LRRC4C: variants seen among roughly 807,000 people sequenced by gnomAD.
The protein encoded by LRRC4C is leucine rich repeat containing 4C, also known as leucine-rich repeat-containing protein 4C.
A neutral mutation model predicts 33.6 loss-of-function variants in LRRC4C; 5 were observed. That is an observed-to-expected ratio of 0.15 (90% CI 0.08 to 0.31). The LOEUF (loss-of-function observed/expected upper bound fraction) is 0.31. LRRC4C is among the 10% of genes least tolerant of loss of function. The pLI, the probability that LRRC4C is intolerant of heterozygous loss-of-function variation, is 1.00. For synonymous variants in LRRC4C, 329 were observed against 302.0 expected, an observed-to-expected ratio of 1.09 and a Z score of -0.93; for missense variants, 560 against 796.7, an observed-to-expected ratio of 0.70 and a Z score of 3.58.
chr11:41,286,455 G>A (rs1949831399), intron 1 of LRRC4C, among the ~76,000 whole-genome samples: 1 of 152,120 alleles, frequency 6.6e-6, no homozygotes, highest in Non-Finnish European at 1.5e-5. Flanking sequence ...CCAGCACAGA[G>A]AACCAAGGAG....
chr11:40,626,100 C>T (rs1591309096), intron 3 of LRRC4C, among the ~76,000 whole-genome samples: 1 of 152,130 alleles, frequency 6.6e-6, no homozygotes, highest in East Asian at 1.9e-4. Context: ...TTGTTACCCC[C>T]ATATTTTCTC....
At chr11:40,514,182 C>T (rs1955461124) in intron 3 of LRRC4C, among the ~76,000 whole-genome samples, 1 of 152,162 alleles carries the variant, frequency 6.6e-6, no homozygotes, top group Non-Finnish European at 1.5e-5. Flanking sequence ...GGTAAAATTG[C>T]ATACGTTCAT....
intron 2 of LRRC4C, among the ~76,000 whole-genome samples, chr11:40,746,677 T>G (rs1315021468): frequency 6.6e-6 from 1 of 152,048 alleles, no homozygotes; most frequent in Non-Finnish European, 1.5e-5. Flanking sequence ...CTATGTATGC[T>G]CCATCCCAGG....
chr11:41,111,759 T>C (rs191030404), intron 1 of LRRC4C, among the ~76,000 whole-genome samples: 8 of 152,100 alleles, frequency 5.3e-5, no homozygotes. Flanking sequence ...CAAGTAAAAG[T>C]AACCTTTCCC....
chr11:40,473,473 T>G (rs1217402284), intron 3 of LRRC4C, among the ~76,000 whole-genome samples: 1 of 152,142 alleles, frequency 6.6e-6, no homozygotes, highest in Admixed American at 6.6e-5. Flanking sequence ...GAGCTATTTA[T>G]GACAAACCCA....
intron 3 of LRRC4C, among the ~76,000 whole-genome samples, chr11:40,609,957 A>C (rs1961035202): frequency 6.6e-6 from 1 of 152,046 alleles, no homozygotes; most frequent in East Asian, 1.9e-4. Flanking sequence ...GAATTCTACC[A>C]AACATTTAAA....
At chr11:40,543,921 C>A (rs548504856) in intron 3 of LRRC4C, among the ~76,000 whole-genome samples, 8 of 151,942 alleles carry the variant, frequency 5.3e-5, no homozygotes, top group Non-Finnish European at 1.2e-4. Context: ...ATTTGAGAGT[C>A]CTGTCTTCCA....
chr11:40,505,423 T>C lies in LRRC4C; in HGVS notation c.-270+142719A>G, dbSNP rs72899045. On this transcript the variant is annotated intron_variant, in intron 3 of 6. Coordinates refer to ENST00000528697, the MANE Select transcript of LRRC4C (RefSeq NM_001258419.2). ...CTGCCCTTTTCTGCTCAGGTCTTAC[T>C]TTTCCAGACAATGTCATCAGACAGG... 3.6e-3 allele frequency among the ~76,000 whole-genome samples: 544 copies of C among 152,308 alleles called. 2 individuals are homozygous for C. The highest frequency in any genetic ancestry group is 6.0e-3 in the Non-Finnish European group (406 of 68,012).
intron 4 of LRRC4C, among the ~76,000 whole-genome samples, chr11:40,297,958 G>A (rs1337200569): frequency 6.6e-6 from 1 of 152,124 alleles, no homozygotes. Context: ...ATTTGCTCAT[G>A]TCTATGTCCC....
At chr11:40,574,212 ACTTT>A (rs1461576708) in intron 3 of LRRC4C, among the ~76,000 whole-genome samples, 8 of 152,194 alleles carry the variant, frequency 5.3e-5, no homozygotes, top group South Asian at 2.1e-4. Flanking sequence ...TGCTAGGAAG[ACTTT>A]CTTTGCTCTC....
intron 2 of LRRC4C, among the ~76,000 whole-genome samples, chr11:40,659,625 G>C (rs781103675): frequency 2.5e-4 from 38 of 152,142 alleles, no homozygotes; most frequent in Admixed American, 1.2e-3. Flanking sequence ...CCAACTTAGG[G>C]TATCTTTGAC....
chr11:41,395,125 ACAG>A (rs1230361456), intron 1 of LRRC4C, among the ~76,000 whole-genome samples: 4,337 of 152,076 alleles, frequency 0.029, 237 homozygotes, highest in African/African-American at 0.099. Flanking sequence ...GAAGCAGGGT[ACAG>A]ACACTGGCAG....
chr11:41,093,143 C>A (rs1171229933), intron 1 of LRRC4C, among the ~76,000 whole-genome samples: 2 of 152,232 alleles, frequency 1.3e-5, no homozygotes, highest in Non-Finnish European at 2.9e-5. Flanking sequence ...ATCAGCTCCA[C>A]AAAACTACTT....
intron 1 of LRRC4C, among the ~76,000 whole-genome samples, chr11:41,251,609 TG>T (rs1948640645): frequency 1.3e-5 from 2 of 152,328 alleles, no homozygotes; most frequent in East Asian, 3.9e-4. Context: ...GATCACATTT[TG>T]TAGGGAGCAA....
At chr11:40,974,919 G>C (rs1387726375) in intron 1 of LRRC4C, among the ~76,000 whole-genome samples, 1 of 152,062 alleles carries the variant, frequency 6.6e-6, no homozygotes, top group African/African-American at 2.4e-5. Flanking sequence ...CAGCCTCCTG[G>C]GTTATCAAGC....
At position 40,232,425 on chromosome 11, in the gene LRRC4C, G is replaced by A. The variant is rs138330829; in HGVS notation, c.-96+9094C>T. ...AAAGTTTCCTGTTATGCATCAAGGCGTATGAAATAAGCATTTCCTACTGCC... is the reference window on the plus strand; with the variant it reads ...AAAGTTTCCTGTTATGCATCAAGGCATATGAAATAAGCATTTCCTACTGCC... On this transcript the variant is annotated intron_variant, in intron 5 of 6. Coordinates refer to ENST00000528697, the MANE Select transcript of LRRC4C (RefSeq NM_001258419.2). Among the ~76,000 whole-genome samples, 150 of 152,240 alleles carry A rather than the reference G, an allele frequency of 9.9e-4. 1 individual carries two copies. The highest frequency in any genetic ancestry group is 3.1e-3 in the African/African-American group (128 of 41,534).
rs568245364 is a variant in LRRC4C, at chr11:40,889,227, T to C, written c.-407+44408A>G. ...ACATTCTATACAGTCCTTTAAAATATAGCTAGGTTTTGTGAAAGCAAATTT... is the reference window on the plus strand; with the variant it reads ...ACATTCTATACAGTCCTTTAAAATACAGCTAGGTTTTGTGAAAGCAAATTT... On this transcript the variant is annotated intron_variant, in intron 2 of 6. Transcript: ENST00000528697. 9.9e-5 allele frequency among the ~76,000 whole-genome samples: 15 copies of C among 152,212 alleles called. No individual in the cohort carries two copies. In the East Asian group the frequency reaches 2.5e-3, roughly 25 times the overall value.
At chr11:40,768,881 T>C (rs1949613441) in intron 2 of LRRC4C, among the ~76,000 whole-genome samples, 1 of 152,096 alleles carries the variant, frequency 6.6e-6, no homozygotes, top group Non-Finnish European at 1.5e-5. Context: ...AGTATCATAC[T>C]GAATGGAGAA....
At chr11:40,810,303 A>T (rs796837036) in intron 2 of LRRC4C, among the ~76,000 whole-genome samples, 35 of 152,272 alleles carry the variant, frequency 2.3e-4, no homozygotes, top group African/African-American at 7.5e-4. Context: ...TGGTTCTCTC[A>T]GCTATTTCAC....
Sources: allele counts gnomAD v4.1 joint callset (sites outside exome capture counted in the v4.1 genomes callset), GRCh38; gene constraint gnomAD v4.1.1; transcripts MANE v1.5; gene names NCBI Gene and HGNC (gene_info 2026-07-23, HGNC 2026-07-21).